CDH12: variants seen among roughly 807,000 people sequenced by gnomAD.
CDH12 encodes cadherin-12.
A neutral mutation model predicts 74.1 loss-of-function variants in CDH12; 41 were observed. That is an observed-to-expected ratio of 0.55 (90% CI 0.43 to 0.72). The LOEUF is 0.72. Among genes scored for constraint, CDH12 ranks in the 30% least tolerant of loss-of-function variants. CDH12 has a pLI of 0.00. For synonymous variants in CDH12, 399 were observed against 355.0 expected (o/e 1.12, Z -1.39); for missense variants, 945 against 977.2 (o/e 0.97, Z 0.44).
intron 1 of CDH12, among the ~76,000 whole-genome samples, chr5:22,749,322 C>T (rs1440118306): frequency 6.6e-6 from 1 of 152,172 alleles, no homozygotes; most frequent in Non-Finnish European, 1.5e-5. Flanking sequence ...GGTTAGAAAG[C>T]CTATTGTCTT....
chr5:21,874,771 G>T, intron 6 of CDH12, among the ~76,000 whole-genome samples: 1 of 152,286 alleles, frequency 6.6e-6, no homozygotes, highest in Admixed American at 6.5e-5. Flanking sequence ...CCGCACTTCT[G>T]ATCCAGCCAG....
chr5:22,562,145 G>A lies in CDH12; in HGVS notation c.-522-56781C>T, dbSNP rs187691922. On this transcript the variant is annotated intron_variant, in intron 1 of 14. Transcript: ENST00000382254. ...ATCCCAGCTAAAACGGTGAAACCCC[G>A]TCTCTACTAAAAATACAAAAAATTA... Among the ~76,000 whole-genome samples the A allele has an allele frequency of 1.2e-3, 176 of 152,042 alleles. 2 individuals carry two copies. In the East Asian group the frequency reaches 0.033, roughly 28 times the overall value.
intron 8 of CDH12, among the ~76,000 whole-genome samples, chr5:21,836,940 T>C (rs1749568867): frequency 6.6e-6 from 1 of 152,004 alleles, no homozygotes; most frequent in African/African-American, 2.4e-5. Context: ...TATTACTACC[T>C]TTATTTGAAG....
chr5:21,904,577 C>CTGTCTT (rs1753550808), intron 6 of CDH12, among the ~76,000 whole-genome samples: 1 of 151,474 alleles, frequency 6.6e-6, no homozygotes, highest in South Asian at 2.1e-4. Context: ...AAGACCAGCC[C>CTGTCTT]GAGTAACATA....
At chr5:22,037,663 C>T (rs1403842615) in intron 5 of CDH12, among the ~76,000 whole-genome samples, 3 of 152,122 alleles carry the variant, frequency 2.0e-5, no homozygotes, top group Non-Finnish European at 4.4e-5. Context: ...ACCCAGCTAA[C>T]TCACCGGTAT....
chr5:22,086,053 C>T (rs982614035), intron 4 of CDH12, among the ~76,000 whole-genome samples: 2 of 152,158 alleles, frequency 1.3e-5, no homozygotes, highest in Admixed American at 6.5e-5. Context: ...TCCAGTTAAA[C>T]CTATCCCAAA....
At chr5:22,341,066 T>C (rs559815180) in intron 3 of CDH12, among the ~76,000 whole-genome samples, 1 of 152,358 alleles carries the variant, frequency 6.6e-6, no homozygotes, top group East Asian at 1.9e-4. Flanking sequence ...GGATAATTCT[T>C]ACTATAGTCT....
intron 3 of CDH12, among the ~76,000 whole-genome samples, chr5:22,230,855 A>G (rs774791089): frequency 2.6e-5 from 4 of 152,116 alleles, no homozygotes; most frequent in Non-Finnish European, 5.9e-5. Flanking sequence ...ACCCTATTGT[A>G]AGAAAAGGGT....
chr5:22,572,656 T>C (rs977933384), intron 1 of CDH12, among the ~76,000 whole-genome samples: 8 of 152,178 alleles, frequency 5.3e-5, no homozygotes, highest in Admixed American at 1.3e-4. Flanking sequence ...TATTAACATA[T>C]GACAAAAAAC....
chr5:21,855,375 C>T (rs528195074), intron 6 of CDH12, among the ~76,000 whole-genome samples: 42 of 151,714 alleles, frequency 2.8e-4, no homozygotes, highest in Middle Eastern at 3.4e-3. Flanking sequence ...CATAAGAAGA[C>T]ACCACAGTCA....
At chr5:22,528,836 T>C (rs1286710141) in intron 1 of CDH12, among the ~76,000 whole-genome samples, 1 of 152,102 alleles carries the variant, frequency 6.6e-6, no homozygotes, top group African/African-American at 2.4e-5. Flanking sequence ...ACCAGCCTTC[T>C]CTTTACTAAT....
chr5:22,458,347 C>A (rs1400193663), intron 2 of CDH12, among the ~76,000 whole-genome samples: 1 of 152,116 alleles, frequency 6.6e-6, no homozygotes, highest in Non-Finnish European at 1.5e-5. Context: ...TGGATTAGAT[C>A]CCATCCTAAA....
chr5:22,020,369 C>A (rs1418341052), intron 5 of CDH12, among the ~76,000 whole-genome samples: 3 of 151,946 alleles, frequency 2.0e-5, no homozygotes, highest in Non-Finnish European at 4.4e-5. Flanking sequence ...GCCTGGCTAA[C>A]ATTGTGAAAC....
chr5:22,622,270 T>C (rs1738012697), intron 1 of CDH12, among the ~76,000 whole-genome samples: 1 of 138,430 alleles, frequency 7.2e-6, no homozygotes, highest in Non-Finnish European at 1.6e-5. Flanking sequence ...GCTGACTAGA[T>C]GCAACCGAGA....
At chr5:22,208,989 AC>A (rs1751382079) in intron 4 of CDH12, among the ~76,000 whole-genome samples, 1 of 152,198 alleles carries the variant, frequency 6.6e-6, no homozygotes, top group Admixed American at 6.5e-5. Context: ...GAGATTATAC[AC>A]ATATATGCCT....
At chr5:22,161,679 G>A (rs1330700948) in intron 4 of CDH12, among the ~76,000 whole-genome samples, 11 of 150,602 alleles carry the variant, frequency 7.3e-5, no homozygotes, top group Admixed American at 2.0e-4. Context: ...ATGACAGAAC[G>A]AGAACCTCTC....
At chr5:21,881,869 A>C (rs1006920943) in intron 6 of CDH12, among the ~76,000 whole-genome samples, 1 of 152,134 alleles carries the variant, frequency 6.6e-6, no homozygotes, top group Non-Finnish European at 1.5e-5. Flanking sequence ...TGTTCTTATT[A>C]ATATCATTTA....
chr5:22,727,011 C>A (rs1744196924), intron 1 of CDH12, among the ~76,000 whole-genome samples: 1 of 151,710 alleles, frequency 6.6e-6, no homozygotes, highest in African/African-American at 2.4e-5. Context: ...ACTATTTAAA[C>A]AATTATTACA....
At chr5:21,994,347 T>G (rs552670308) in intron 5 of CDH12, among the ~76,000 whole-genome samples, 1 of 152,186 alleles carries the variant, frequency 6.6e-6, no homozygotes, top group East Asian at 1.9e-4. Context: ...ATCATATCAA[T>G]TCCAACAAGT....
Sources: gnomAD v4.1 joint callset for allele counts (sites outside exome capture counted in the v4.1 genomes callset) on GRCh38, gnomAD v4.1.1 for gene constraint, MANE v1.5 for transcripts, NCBI Gene and HGNC (gene_info 2026-07-23, HGNC 2026-07-21) for gene names.